The following PRDM5 variants were observed in gnomAD, a reference collection of about 807,000 sequenced individuals.
PRDM5 encodes the protein PR domain zinc finger protein 5.
PRDM5 carries 56 observed loss-of-function variants against 81.2 expected under a neutral mutation model. The observed-to-expected ratio is 0.69, with a 90% CI of 0.56 to 0.86. The LOEUF is 0.86. PRDM5 is among the 40% of genes least tolerant of loss of function. The pLI, the probability that PRDM5 is intolerant of heterozygous loss-of-function variation, is 0.00. For synonymous variants in PRDM5, 267 were observed against 256.4 expected (o/e 1.04, Z -0.39); for missense variants, 697 against 770.1 (o/e 0.91, Z 1.12).
chr4:120,861,127 C>A (rs1409570471), intron 2 of PRDM5, among the ~76,000 whole-genome samples: 1 of 152,160 alleles, frequency 6.6e-6, no homozygotes, highest in East Asian at 1.9e-4. Flanking sequence ...CCAGCCTCAG[C>A]CTCCCGAGTA....
chr4:120,883,971 A>T (rs1333077899), intron 2 of PRDM5, among the ~76,000 whole-genome samples: 3 of 152,228 alleles, frequency 2.0e-5, no homozygotes, highest in African/African-American at 7.2e-5. Context: ...TGAATTACAC[A>T]TTTAAAAGGG....
downstream of PRDM5, among the ~76,000 whole-genome samples, chr4:120,689,559 A>C (rs147457938): frequency 2.7e-4 from 41 of 152,224 alleles, no homozygotes; most frequent in African/African-American, 9.9e-4. Context: ...TAGACAAGTC[A>C]AAAGTAATGA....
rs903136932 is a variant in PRDM5, at chr4:120,813,324, A to G, written c.866-1875T>C. On this transcript the variant is annotated intron_variant, in intron 7 of 15. Transcript: ENST00000264808. ...AATATACAAAAAGTAAGCATATAGT[A>G]TAATGAATCACCATCTATCCATCAC... Among the ~76,000 whole-genome samples, 8 of 152,340 alleles carry G rather than the reference A, an allele frequency of 5.3e-5. No homozygotes were observed. The East Asian group carries it at 1.2e-3, about 22-fold the overall frequency.
chr4:120,815,814 C>A (rs867320376), intron 7 of PRDM5, among the ~76,000 whole-genome samples: 2 of 152,160 alleles, frequency 1.3e-5, no homozygotes, highest in African/African-American at 2.4e-5. Flanking sequence ...ACAATACAGC[C>A]ATCTGTTCAA....
intron 8 of PRDM5, among the ~76,000 whole-genome samples, chr4:120,806,974 A>C (rs1019825156): frequency 2.6e-4 from 40 of 152,360 alleles, no homozygotes; most frequent in African/African-American, 9.1e-4. Flanking sequence ...AATATCCAGA[A>C]TCTACAAAGA....
At chr4:120,806,310 G>GTTATATTTTAAAT (rs1752920058) in intron 8 of PRDM5, among the ~76,000 whole-genome samples, 1 of 152,134 alleles carries the variant, frequency 6.6e-6, no homozygotes, top group African/African-American at 2.4e-5. Context: ...TCCCTATCAA[G>GTTATATTTTAAAT]CTACTAATGA....
At chr4:120,715,286 A>G (rs867210099) in intron 14 of PRDM5, among the ~76,000 whole-genome samples, 3 of 152,298 alleles carry the variant, frequency 2.0e-5, no homozygotes, top group Admixed American at 6.5e-5. Context: ...TGTTTTATCC[A>G]GCATTAATAA....
At chr4:120,825,289 A>T (rs558391866) in intron 3 of PRDM5, among the ~76,000 whole-genome samples, 1 of 152,302 alleles carries the variant, frequency 6.6e-6, no homozygotes, top group South Asian at 2.1e-4. Context: ...AGTGGTAGTT[A>T]CTATCATTAC....
chr4:120,744,633 T>G (rs946323431), intron 14 of PRDM5, among the ~76,000 whole-genome samples: 7 of 151,854 alleles, frequency 4.6e-5, no homozygotes, highest in African/African-American at 1.2e-4. Context: ...CAAACTACCA[T>G]CAGAGAATAC....
At chr4:120,859,197 A>G (rs571596373) in intron 2 of PRDM5, among the ~76,000 whole-genome samples, 1 of 150,722 alleles carries the variant, frequency 6.6e-6, no homozygotes, top group African/African-American at 2.5e-5. Context: ...GGGAACATAC[A>G]TACCATGTCA....
At chr4:120,903,502 C>G (rs562307610) in intron 2 of PRDM5, among the ~76,000 whole-genome samples, 1 of 152,204 alleles carries the variant, frequency 6.6e-6, no homozygotes, top group Non-Finnish European at 1.5e-5. Context: ...AGCAATAACT[C>G]TGCAATTCTA....
At chr4:120,686,465 T>A (rs571475199) in intron 1 of PRDM5, among the ~76,000 whole-genome samples, 1 of 152,260 alleles carries the variant, frequency 6.6e-6, no homozygotes, top group African/African-American at 2.4e-5. Flanking sequence ...TTCTAACTGA[T>A]AATCTTATAT....
At chr4:120,719,733 G>T (rs1738313885) in intron 14 of PRDM5, among the ~76,000 whole-genome samples, 1 of 152,122 alleles carries the variant, frequency 6.6e-6, no homozygotes, top group Non-Finnish European at 1.5e-5. Flanking sequence ...AATACTTGTT[G>T]AACTGGGCTG....
chr4:120,831,763 T>G (rs1031505451), intron 3 of PRDM5, among the ~76,000 whole-genome samples: 1 of 152,082 alleles, frequency 6.6e-6, no homozygotes, highest in African/African-American at 2.4e-5. Context: ...AACCTATACT[T>G]AGAACCAAGA....
At chr4:120,750,679 G>C (rs532886609) in intron 14 of PRDM5, among the ~76,000 whole-genome samples, 108 of 129,458 alleles carry the variant, frequency 8.3e-4, no homozygotes, top group African/African-American at 3.1e-3. Flanking sequence ...TAGAGACTTA[G>C]TTTCTTTTAC....
At chr4:120,710,481 AG>A (rs1736805647) in intron 14 of PRDM5, 68 bp from the exon 15 acceptor site, 15 of 1,273,856 alleles carry the variant, frequency 1.2e-5, no homozygotes, top group Non-Finnish European at 1.7e-5. Context: ...CTCCATATTC[AG>A]GTGTGTGTTA....
At chr4:120,811,566 A>G in intron 7 of PRDM5, 117 bp from the exon 8 acceptor site, 1 of 625,010 alleles carries the variant, frequency 1.6e-6, no homozygotes, top group East Asian at 2.9e-5. Context: ...TAAACAATTC[A>G]GTGTTGTAGA....
intron 1 of PRDM5, among the ~76,000 whole-genome samples, chr4:120,685,533 T>C (rs889503104): frequency 6.6e-6 from 1 of 152,148 alleles, no homozygotes; most frequent in Non-Finnish European, 1.5e-5. Context: ...TCATGACTAT[T>C]TTGCTTCAGG....
chr4:120,874,004 G>A lies in PRDM5; in HGVS notation c.178-20464C>T, dbSNP rs558615066. ...CATAATAATTGTACATATTTATGGG[G>A]TATGGTGTGCTATTTTCATACACAT... is the stretch of plus-strand genomic sequence containing the variant. On this transcript the variant is annotated intron_variant, in intron 2 of 15. Transcript: ENST00000264808. Among the ~76,000 whole-genome samples the A allele has an allele frequency of 5.9e-5, 9 of 152,052 alleles. 1 individual carries two copies. The South Asian group carries it at 1.9e-3, about 32-fold the overall frequency.
Sources: gnomAD v4.1 joint callset for allele counts (sites outside exome capture counted in the v4.1 genomes callset) on GRCh38, gnomAD v4.1.1 for gene constraint, MANE v1.5 for transcripts, NCBI Gene and HGNC (gene_info 2026-07-23, HGNC 2026-07-21) for gene names.